The following GABPB1 variants were observed in gnomAD, a reference collection of about 807,000 sequenced individuals.
GABPB1 encodes the protein GA-binding protein subunit beta-1.
Under a neutral mutation model 45.9 loss-of-function variants are expected in GABPB1, and 15 were observed. That is an observed-to-expected ratio of 0.33 (90% CI 0.22 to 0.50). The LOEUF is 0.50. GABPB1 is among the 20% of genes least tolerant of loss of function. The pLI, the probability that GABPB1 is intolerant of heterozygous loss-of-function variation, is 0.98. For missense variants in GABPB1, 252 were observed against 457.5 expected, an observed-to-expected ratio of 0.55 and a Z score of 4.10; for synonymous variants, 143 against 154.4, an observed-to-expected ratio of 0.93 and a Z score of 0.55.
chr15:50,314,157 C>T (rs985970745), intron 1 of GABPB1, among the ~76,000 whole-genome samples: 1 of 151,916 alleles, frequency 6.6e-6, no homozygotes, highest in Non-Finnish European at 1.5e-5. Flanking sequence ...ATGAGCAATA[C>T]AGCCATACGG....
intron 3 of GABPB1, 136 bp from the exon 4 acceptor site, chr15:50,303,259 A>G: frequency 1.4e-6 from 1 of 716,380 alleles, no homozygotes; most frequent in Non-Finnish European, 2.2e-6. Flanking sequence ...TGTTAAATAG[A>G]TGTTCCAGGC....
At chr15:50,291,412 G>A (rs184641106) in intron 6 of GABPB1, among the ~76,000 whole-genome samples, 3 of 151,612 alleles carry the variant, frequency 2.0e-5, no homozygotes, top group Non-Finnish European at 2.9e-5. Flanking sequence ...TCCGCCTCCC[G>A]AGTTCAAGCG....
At chr15:50,313,954 G>GA (rs1003034209) in intron 1 of GABPB1, among the ~76,000 whole-genome samples, 19 of 151,906 alleles carry the variant, frequency 1.3e-4, no homozygotes, top group Admixed American at 7.9e-4. Context: ...AGGATGAGCG[G>GA]AAAAAACAAA....
At chr15:50,349,994 T>C (rs2048760883) in intron 1 of GABPB1, 1 of 152,194 alleles carries the variant, frequency 6.6e-6, no homozygotes, top group Admixed American at 6.5e-5. Flanking sequence ...ATCATGTTTT[T>C]AAATTTATTT....
chr15:50,345,561 G>C (rs1286877808), intron 1 of GABPB1, among the ~76,000 whole-genome samples: 2 of 151,586 alleles, frequency 1.3e-5, no homozygotes, highest in Non-Finnish European at 2.9e-5. Flanking sequence ...CCCTGTCTTC[G>C]AAAAAAAAGT....
chr15:50,337,569 G>C (rs1157927752), intron 1 of GABPB1, among the ~76,000 whole-genome samples: 1 of 151,972 alleles, frequency 6.6e-6, no homozygotes, highest in Non-Finnish European at 1.5e-5. Context: ...TTCAAGACCA[G>C]CCTGGACAAC....
rs2045844911 is a variant in GABPB1, at chr15:50,276,848, A to G, written c.*1784T>C. The G allele has an allele frequency of 6.6e-6, 1 of 152,232 alleles. No homozygotes were observed. The highest frequency in any genetic ancestry group is 1.5e-5 in the Non-Finnish European group (1 of 68,036). 9.4% of individuals were successfully genotyped at this position (152,232 alleles called of 1,614,324 possible). A position where few individuals can be genotyped will look rare whatever the true frequency, so the allele number is the denominator to read the frequency against. ...GAAGTAACCAGAAACAACATTCTCT[A>G]TTGACTTTTCAGGACTGCAGAAAAA... On this transcript the variant is annotated 3_prime_UTR_variant, in exon 9 of 9. Coordinates refer to ENST00000380877, the MANE Select transcript of GABPB1 (RefSeq NM_016654.5).
At chr15:50,311,336 G>T (rs1019676830) in intron 1 of GABPB1, among the ~76,000 whole-genome samples, 7 of 152,084 alleles carry the variant, frequency 4.6e-5, no homozygotes, top group Non-Finnish European at 8.8e-5. Flanking sequence ...GAATCCCTGA[G>T]ATTTACAATG....
chr15:50,288,451 C>A (rs900001963), intron 7 of GABPB1, among the ~76,000 whole-genome samples: 1 of 152,192 alleles, frequency 6.6e-6, no homozygotes, highest in African/African-American at 2.4e-5. Context: ...TACAGCTTCT[C>A]TCTGCCTCAG....
intron 1 of GABPB1, among the ~76,000 whole-genome samples, chr15:50,348,048 A>AAAAAAAAG: frequency 6.6e-6 from 1 of 151,706 alleles, no homozygotes; most frequent in Non-Finnish European, 1.5e-5. Flanking sequence ...ATCTGGAAAA[A>AAAAAAAAG]AAAAAAAAGA....
At chr15:50,347,985 G>A (rs1229474599) in intron 1 of GABPB1, among the ~76,000 whole-genome samples, 1 of 139,998 alleles carries the variant, frequency 7.1e-6, no homozygotes. Context: ...AGAGGTTACA[G>A]TGAGCCTAGA....
chr15:50,351,660 A>AGAGGGAGGGAGGGAGGGAGG (rs59107787), intron 1 of GABPB1: 1 of 115,568 alleles, frequency 8.7e-6, no homozygotes, highest in East Asian at 3.1e-4. Flanking sequence ...GAGAGAGGAA[A>AGAGGGAGGGAGGGAGGGAGG]GAGGGAGGGA....
intron 1 of GABPB1, among the ~76,000 whole-genome samples, chr15:50,314,165 C>A (rs28592175): frequency 9.3e-5 from 14 of 150,850 alleles, no homozygotes; most frequent in Admixed American, 2.0e-4. Flanking sequence ...TACAGCCATA[C>A]GGTAGATTTA....
chr15:50,335,225 T>A (rs775786010), intron 1 of GABPB1, among the ~76,000 whole-genome samples: 4 of 152,194 alleles, frequency 2.6e-5, no homozygotes, highest in Non-Finnish European at 4.4e-5. Context: ...AATTCCTTGA[T>A]ATTTGATTGG....
At chr15:50,337,131 T>C (rs1225919290) in intron 1 of GABPB1, among the ~76,000 whole-genome samples, 5 of 54,466 alleles carry the variant, frequency 9.2e-5, no homozygotes, top group African/African-American at 2.5e-4. Flanking sequence ...ATATATATAA[T>C]ATGAAGAGGT....
At chr15:50,326,394 A>C (rs1199242149) in intron 1 of GABPB1, among the ~76,000 whole-genome samples, 1 of 151,858 alleles carries the variant, frequency 6.6e-6, no homozygotes, top group Non-Finnish European at 1.5e-5. Context: ...ATGGTGGCTC[A>C]CGCCTGTAAT....
chr15:50,315,463 G>T (rs912039506), intron 1 of GABPB1, among the ~76,000 whole-genome samples: 2 of 152,074 alleles, frequency 1.3e-5, no homozygotes, highest in Non-Finnish European at 2.9e-5. Flanking sequence ...TAGCGGAAGG[G>T]GCAATACAAA....
chr15:50,321,734 A>G (rs1567523703), intron 1 of GABPB1, among the ~76,000 whole-genome samples: 1 of 152,080 alleles, frequency 6.6e-6, no homozygotes, highest in Non-Finnish European at 1.5e-5. Flanking sequence ...ATAAATATTA[A>G]TCCATTGAAT....
In GABPB1 at chr15:50,309,804, C is replaced by T; in HGVS notation, c.1-6G>A. The T allele has an allele frequency of 1.3e-6, 2 of 1,546,798 alleles. No homozygotes were observed. Among genetic ancestry groups the T allele is most frequent in the Non-Finnish European group, 1.8e-6 (2 of 1,119,096 alleles). ...CCCAAATCTACCAGGGACATCTAAA[C>T]AAAACATAGATGAACTGAACATCAA... On this transcript the variant is annotated splice_polypyrimidine_tract_variant and splice_region_variant and intron_variant, in intron 1 of 8. Transcript: ENST00000380877.
Sources: allele counts gnomAD v4.1 joint callset (sites outside exome capture counted in the v4.1 genomes callset), GRCh38; gene constraint gnomAD v4.1.1; transcripts MANE v1.5; gene names NCBI Gene and HGNC (gene_info 2026-07-23, HGNC 2026-07-21).